The following SOS1 variants were observed in gnomAD, a reference collection of about 807,000 sequenced individuals.
The protein encoded by SOS1 is son of sevenless homolog 1.
In SOS1, 25 loss-of-function variants were observed where a neutral mutation model predicts 157.6. The observed-to-expected ratio is 0.16, with a 90% CI of 0.12 to 0.22. The LOEUF (loss-of-function observed/expected upper bound fraction) is 0.22. Ranked by LOEUF, SOS1 falls within the 10% of genes least tolerant of loss-of-function variation. SOS1 has a pLI of 1.00. For synonymous variants in SOS1, 528 were observed against 534.0 expected, an observed-to-expected ratio of 0.99 and a Z score of 0.16; for missense variants, 1,237 against 1,599.1, an observed-to-expected ratio of 0.77 and a Z score of 3.86.
chr2:39,123,734 T>C (rs1673977121), upstream of SOS1, among the ~76,000 whole-genome samples: 1 of 152,052 alleles, frequency 6.6e-6, no homozygotes, highest in Non-Finnish European at 1.5e-5. Context: ...CTGCACACAG[T>C]AGGTAGCAAT....
At chr2:39,010,983 C>T (rs1330761663) in intron 14 of SOS1, among the ~76,000 whole-genome samples, 1 of 149,170 alleles carries the variant, frequency 6.7e-6, no homozygotes, top group Non-Finnish European at 1.5e-5. Context: ...GCAACCTCCG[C>T]CTCCCAGGTT....
intron 1 of SOS1, among the ~76,000 whole-genome samples, chr2:39,117,755 G>A (rs905404267): frequency 1.6e-4 from 24 of 152,188 alleles, no homozygotes; most frequent in African/African-American, 5.5e-4. Flanking sequence ...CTCAATTAGA[G>A]AAGTCGGAGG....
chr2:39,087,066 A>G, intron 1 of SOS1, among the ~76,000 whole-genome samples: 1 of 152,072 alleles, frequency 6.6e-6, no homozygotes, highest in Non-Finnish European at 1.5e-5. Flanking sequence ...CACCCACCTC[A>G]GCCTCCCAAA....
At chr2:39,035,812 TCTTAA>T (rs1393622403) in intron 6 of SOS1, among the ~76,000 whole-genome samples, 2 of 152,098 alleles carry the variant, frequency 1.3e-5, no homozygotes, top group Non-Finnish European at 2.9e-5. Flanking sequence ...AGAAAACAAA[TCTTAA>T]CTTGACAACA....
At chr2:38,990,991 C>G (rs1197766642) in intron 20 of SOS1, among the ~76,000 whole-genome samples, 1 of 152,016 alleles carries the variant, frequency 6.6e-6, no homozygotes, top group Non-Finnish European at 1.5e-5. Flanking sequence ...TAAGCATAAT[C>G]CCAGATGACA....
chr2:39,037,502 G>A (rs1383998142), intron 6 of SOS1, among the ~76,000 whole-genome samples: 1 of 152,006 alleles, frequency 6.6e-6, no homozygotes, highest in Non-Finnish European at 1.5e-5. Context: ...TCCACTGATA[G>A]ATAACTGTTT....
chr2:39,028,271 G>C (rs1670035054), intron 8 of SOS1, among the ~76,000 whole-genome samples: 1 of 152,136 alleles, frequency 6.6e-6, no homozygotes, highest in Non-Finnish European at 1.5e-5. Context: ...CATATGCAAA[G>C]GAAACCCTGG....
intron 1 of SOS1, among the ~76,000 whole-genome samples, chr2:39,091,178 G>C (rs1672581928): frequency 6.6e-6 from 1 of 152,114 alleles, no homozygotes; most frequent in South Asian, 2.1e-4. Flanking sequence ...CAAGCATTTG[G>C]TATTTTTATC....
chr2:39,040,152 C>CAGT (rs1026268840), intron 6 of SOS1, among the ~76,000 whole-genome samples: 125 of 151,640 alleles, frequency 8.2e-4, no homozygotes, highest in African/African-American at 3.0e-3. Flanking sequence ...GCTGGGACTA[C>CAGT]AAGCGCCCGC....
chr2:39,111,753 G>C (rs1673444784), intron 1 of SOS1, among the ~76,000 whole-genome samples: 1 of 149,398 alleles, frequency 6.7e-6, no homozygotes, highest in African/African-American at 2.5e-5. Context: ...TTTTGAGACG[G>C]AGTTTCGCTC....
chr2:39,014,753 A>C lies in SOS1; in HGVS notation c.1940+12T>G. On this transcript the variant is annotated intron_variant, in intron 11 of 22. Transcript: ENST00000402219. The stretch of plus-strand genomic sequence containing the variant: ...AAAATAATGAATTTAAATATTTTTT[A>C]AATGGACAGACCTTTCTATTATAAG... The C allele has an allele frequency of 2.2e-6, 3 of 1,381,214 alleles. No individual in the cohort carries two copies. Among genetic ancestry groups the C allele is most frequent in the Non-Finnish European group, 3.1e-6 (3 of 976,490 alleles). The allele number at this position is 1,381,214 out of a possible 1,614,324, so 85.6% of individuals were successfully genotyped here.
intron 8 of SOS1, among the ~76,000 whole-genome samples, chr2:39,031,718 T>C (rs1053736669): frequency 6.6e-6 from 1 of 152,092 alleles, no homozygotes; most frequent in Non-Finnish European, 1.5e-5. Context: ...AGTGAGACTC[T>C]GTCTCAAAAT....
chr2:39,002,971 G>A (rs1409251540), intron 17 of SOS1, among the ~76,000 whole-genome samples: 3 of 151,320 alleles, frequency 2.0e-5, no homozygotes, highest in East Asian at 1.9e-4. Flanking sequence ...GGATTGAGGC[G>A]GGATGACTGC....
chr2:39,042,569 A>G (rs926290457), intron 6 of SOS1, among the ~76,000 whole-genome samples: 1 of 151,780 alleles, frequency 6.6e-6, no homozygotes, highest in Non-Finnish European at 1.5e-5. Flanking sequence ...ACGCCCAGCT[A>G]ATTTTTTGTA....
At chr2:39,090,394 G>C (rs1672549100) in intron 1 of SOS1, among the ~76,000 whole-genome samples, 1 of 151,970 alleles carries the variant, frequency 6.6e-6, no homozygotes, top group African/African-American at 2.4e-5. Context: ...AGTATTTTTT[G>C]TTTGTAAGAA....
intron 1 of SOS1, 118 bp downstream of exon 1, chr2:39,120,218 G>A (rs1673816577): frequency 2.2e-6 from 2 of 902,374 alleles, no homozygotes; most frequent in South Asian, 2.2e-5. Flanking sequence ...CGTCCTTTTG[G>A]AGACGCGGCG....
At chr2:39,109,612 G>T (rs1273035359) in intron 1 of SOS1, among the ~76,000 whole-genome samples, 2 of 152,164 alleles carry the variant, frequency 1.3e-5, no homozygotes, top group Non-Finnish European at 2.9e-5. Context: ...GGAATATAAA[G>T]AGTTGTCTTT....
At position 39,007,003 on chromosome 2, in the gene SOS1, C is replaced by A. The variant is rs1247090288; in HGVS notation, c.2673+28G>T. ...ATTTTTCTAATAGGGAATGAAAGTT[C>A]ATTTTAAAAACACATGTAGAAACCT... On this transcript the variant is annotated intron_variant, in intron 16 of 22. Transcript: ENST00000402219. 3.3e-6 allele frequency: 5 copies of A among 1,512,772 alleles called. No homozygotes were observed. In the Admixed American group the frequency reaches 6.7e-5, roughly 20 times the overall value. The allele number at this position is 1,512,772 out of a possible 1,614,324, so 93.7% of individuals were successfully genotyped here.
intron 1 of SOS1, among the ~76,000 whole-genome samples, chr2:39,099,713 T>C (rs1483581340): frequency 2.0e-5 from 3 of 152,132 alleles, no homozygotes; most frequent in Non-Finnish European, 4.4e-5. Context: ...CCCTACAGAC[T>C]GGGAGAAAAT....
Sources: gnomAD v4.1 joint callset for allele counts (sites outside exome capture counted in the v4.1 genomes callset) on GRCh38, gnomAD v4.1.1 for gene constraint, MANE v1.5 for transcripts, NCBI Gene and HGNC (gene_info 2026-07-23, HGNC 2026-07-21) for gene names.